The following CCDC40 variants were observed in gnomAD, a reference collection of about 807,000 sequenced individuals.
CCDC40 encodes coiled-coil domain-containing protein 40.
A neutral mutation model predicts 124.5 loss-of-function variants in CCDC40; 104 were observed. That is an observed-to-expected ratio of 0.84 (90% confidence interval 0.71 to 0.98). The LOEUF (loss-of-function observed/expected upper bound fraction) is 0.98, where lower values mean the gene tolerates loss of function less well. Ranked by LOEUF, CCDC40 falls within the 50% of genes least tolerant of loss-of-function variation. The probability of loss-of-function intolerance (pLI) is 0.00; values close to 1 mark genes in which losing one functional copy is unlikely to be tolerated. For synonymous variants in CCDC40, 580 were observed against 602.9 expected, an observed-to-expected ratio of 0.96 and a Z score of 0.56; for missense variants, 1,463 against 1,503.9, an observed-to-expected ratio of 0.97 and a Z score of 0.45.
intron 10 of CCDC40, among the ~76,000 whole-genome samples, chr17:80,070,607 A>T (rs549023537): frequency 6.6e-6 from 1 of 152,024 alleles, no homozygotes; most frequent in African/African-American, 2.4e-5. Context: ...TCTCTCAAAA[A>T]ATTTTTAATT....
At chr17:80,079,392 C>A (rs546313190) in intron 10 of CCDC40, among the ~76,000 whole-genome samples, 3 of 152,076 alleles carry the variant, frequency 2.0e-5, no homozygotes, top group South Asian at 4.1e-4. Flanking sequence ...CACCCGCGGC[C>A]GCTTAGTGTG....
At chr17:80,093,534 A>C (rs910789286) in intron 17 of CCDC40, among the ~76,000 whole-genome samples, 1 of 138,430 alleles carries the variant, frequency 7.2e-6, no homozygotes, top group African/African-American at 2.7e-5. Context: ...TTTTTTTTTG[A>C]AACAGTCTCG....
At chr17:80,044,686 A>C (rs2037367712) in intron 3 of CCDC40, among the ~76,000 whole-genome samples, 1 of 73,304 alleles carries the variant, frequency 1.4e-5, no homozygotes, top group African/African-American at 9.9e-5. Context: ...CCATCTCAAA[A>C]ACAAAACAAA....
intron 9 of CCDC40, among the ~76,000 whole-genome samples, chr17:80,064,167 C>T (rs2037974706): frequency 6.6e-6 from 1 of 152,164 alleles, no homozygotes. Flanking sequence ...ATAGATGGTT[C>T]AGAAACCCTC....
chr17:80,058,474 T>C lies in CCDC40; in HGVS notation c.1160-20T>C, dbSNP rs1598499687. 1.2e-6 allele frequency: 2 copies of C among 1,611,992 alleles called. No homozygotes were observed. Among genetic ancestry groups the C allele is most frequent in the East Asian group, 2.2e-5 (1 of 44,846 alleles). On this transcript the variant is annotated intron_variant, in intron 7 of 19. Coordinates refer to ENST00000397545, the MANE Select transcript of CCDC40 (RefSeq NM_017950.4). The surrounding 1 kb of genome is among the most constrained non-coding windows in gnomAD (Gnocchi z 4.2). ...TCCCCACTCACTCTCTCTCTCTTTC[T>C]CCCCCGCCGCGCCCCGCAGTGGCGG...
At chr17:80,078,886 A>T (rs937708524) in intron 10 of CCDC40, among the ~76,000 whole-genome samples, 3 of 152,046 alleles carry the variant, frequency 2.0e-5, no homozygotes, top group Admixed American at 2.0e-4. Flanking sequence ...TAATAATATT[A>T]AATCTTCTGC....
chr17:80,067,778 A>T, intron 10 of CCDC40: 1 of 1,465,860 alleles, frequency 6.8e-7, no homozygotes, highest in East Asian at 2.5e-5. Flanking sequence ...TGTGACAGTC[A>T]CGCCCCCGGC....
rs535112798 is a variant in CCDC40, at chr17:80,085,020, G to A, written c.2235+32G>A. 2.2e-4 allele frequency: 350 copies of A among 1,610,096 alleles called. 7 individuals carry two copies. In the South Asian group the frequency reaches 3.0e-3, roughly 14 times the overall value. On this transcript the variant is annotated intron_variant, in intron 13 of 19. Transcript: ENST00000397545. ...TCCCAGGCAGGGAGACGTGGTCCCC[G>A]GCTGACTGTGGTGCCTGGTGGGGCA...
intron 7 of CCDC40, among the ~76,000 whole-genome samples, chr17:80,051,830 C>T (rs1391378154): frequency 6.6e-6 from 1 of 152,202 alleles, no homozygotes; most frequent in East Asian, 1.9e-4. Flanking sequence ...GAGGCTGGAG[C>T]CGTGGAGCTG....
intron 16 of CCDC40, among the ~76,000 whole-genome samples, chr17:80,089,257 G>A (rs1292868523): frequency 2.0e-5 from 3 of 152,216 alleles, no homozygotes; most frequent in South Asian, 2.1e-4. Flanking sequence ...CGGAGCAGGC[G>A]TGGTGTGGAG....
At chr17:80,071,911 A>G (rs1465071671) in intron 10 of CCDC40, among the ~76,000 whole-genome samples, 2 of 136,626 alleles carry the variant, frequency 1.5e-5, no homozygotes, top group African/African-American at 2.8e-5. Flanking sequence ...ATCTCAGCTC[A>G]CTGCAACCTC....
intron 10 of CCDC40, chr17:80,067,460 AC>A: frequency 1.2e-6 from 1 of 809,642 alleles, no homozygotes; most frequent in Non-Finnish European, 2.1e-6. Context: ...GTGGGAGCAC[AC>A]CACACTCACT....
intron 3 of CCDC40, among the ~76,000 whole-genome samples, chr17:80,046,844 T>G (rs2037432534): frequency 1.3e-5 from 2 of 152,038 alleles, no homozygotes; most frequent in Admixed American, 1.3e-4. Context: ...GATTTTAACT[T>G]TATTTATTTA....
intron 10 of CCDC40, among the ~76,000 whole-genome samples, chr17:80,072,198 C>T (rs1201215376): frequency 1.3e-5 from 2 of 152,118 alleles, no homozygotes; most frequent in African/African-American, 4.8e-5. Flanking sequence ...TGCATCCCCA[C>T]CGTAAGCTGA....
chr17:80,074,256 A>T (rs2038259973), intron 10 of CCDC40, among the ~76,000 whole-genome samples: 1 of 152,180 alleles, frequency 6.6e-6, no homozygotes, highest in Non-Finnish European at 1.5e-5. Flanking sequence ...CACGCCTGTA[A>T]TCCCAGCACT....
chr17:80,089,951 C>G, intron 17 of CCDC40, 67 bp downstream of exon 17: 1 of 1,595,452 alleles, frequency 6.3e-7, no homozygotes, highest in Non-Finnish European at 8.5e-7. Context: ...GAGACCTGGC[C>G]ACACCAAGGC....
intron 10 of CCDC40, among the ~76,000 whole-genome samples, chr17:80,080,089 G>A (rs1161411777): frequency 6.6e-6 from 1 of 152,108 alleles, no homozygotes; most frequent in African/African-American, 2.4e-5. Flanking sequence ...GCTGGGCATG[G>A]TGGCACACAC....
At chr17:80,048,263 A>AT (rs2037482176) in intron 4 of CCDC40, 1 of 378,044 alleles carries the variant, frequency 2.6e-6, no homozygotes, top group Non-Finnish European at 5.1e-6. Context: ...CTGTCTGGGG[A>AT]TAAAAAATAT....
Position 80,047,271 on chromosome 17 carries a change from T to G in CCDC40, c.553-8T>G, listed in dbSNP as rs1374088951. The G allele has an allele frequency of 6.2e-7, 1 of 1,613,828 alleles. No individual in the cohort carries two copies. Among genetic ancestry groups the G allele is most frequent in the African/African-American group, 1.3e-5 (1 of 74,936 alleles). On this transcript the variant is annotated splice_polypyrimidine_tract_variant and splice_region_variant and intron_variant, in intron 3 of 19. Transcript: ENST00000397545. ...CTGTTGACTTAGTTTTGGTTGTTCT[T>G]GCCATAGACAGGATCCACAGAGGAG...
Sources: gnomAD v4.1 joint callset for allele counts (sites outside exome capture counted in the v4.1 genomes callset) on GRCh38, gnomAD v4.1.1 for gene constraint, Gnocchi (gnomAD v3.1) non-coding constraint, MANE v1.5 for transcripts, NCBI Gene and HGNC (gene_info 2026-07-23, HGNC 2026-07-21) for gene names.